Variants in ADARB2 observed in about 807,000 individuals in gnomAD.
ADARB2 encodes the protein adenosine deaminase RNA specific B2 (inactive).
Under a neutral mutation model 62.2 loss-of-function variants are expected in ADARB2, and 25 were observed. The observed-to-expected ratio is 0.40, with a 90% CI of 0.29 to 0.56. ADARB2 has a LOEUF of 0.56. Among genes scored for constraint, ADARB2 ranks in the 20% least tolerant of loss-of-function variants. ADARB2 has a pLI of 0.43. For missense variants in ADARB2, 1,071 were observed against 1,077.4 expected, an observed-to-expected ratio of 0.99 and a Z score of 0.08; for synonymous variants, 572 against 500.8, an observed-to-expected ratio of 1.14 and a Z score of -1.90.
intron 1 of ADARB2, among the ~76,000 whole-genome samples, chr10:1,715,410 GT>G (rs1397346693): frequency 4.6e-5 from 7 of 152,114 alleles, no homozygotes; most frequent in Admixed American, 6.5e-5. Flanking sequence ...TTTAATATTT[GT>G]TTTTTACTGT....
At chr10:1,445,033 C>A (rs1325980053) in intron 1 of ADARB2, among the ~76,000 whole-genome samples, 4 of 150,828 alleles carry the variant, frequency 2.7e-5, no homozygotes, top group African/African-American at 9.8e-5. Context: ...CCCATCCATT[C>A]ACTCATTCAC....
At chr10:1,701,910 C>A (rs1317573818) in intron 1 of ADARB2, among the ~76,000 whole-genome samples, 7 of 151,768 alleles carry the variant, frequency 4.6e-5, no homozygotes, top group African/African-American at 1.7e-4. Context: ...CAATCCCACT[C>A]CACCGGGAGA....
intron 8 of ADARB2, among the ~76,000 whole-genome samples, chr10:1,191,980 A>G (rs4880785): frequency 0.24 from 37,172 of 152,168 alleles, 4,883 homozygotes; most frequent in African/African-American, 0.29. Context: ...TTACATCACC[A>G]TTACTAGGAC....
intron 1 of ADARB2, among the ~76,000 whole-genome samples, chr10:1,488,082 A>G (rs761618223): frequency 1.3e-5 from 2 of 152,238 alleles, no homozygotes; most frequent in Admixed American, 6.5e-5. Flanking sequence ...AAAGCACTCA[A>G]TATAAAGAAT....
chr10:1,549,916 T>C (rs997499145), intron 1 of ADARB2, among the ~76,000 whole-genome samples: 2 of 152,190 alleles, frequency 1.3e-5, no homozygotes, highest in African/African-American at 4.8e-5. Flanking sequence ...GAGCTCTCTG[T>C]GCCCATCCAG....
At chr10:1,316,482 C>CA (rs1431903776) in intron 3 of ADARB2, among the ~76,000 whole-genome samples, 1 of 152,254 alleles carries the variant, frequency 6.6e-6, no homozygotes, top group Non-Finnish European at 1.5e-5. Context: ...GTGCTGGCCT[C>CA]ATTATTTTCC....
intron 1 of ADARB2, among the ~76,000 whole-genome samples, chr10:1,490,409 A>G (rs1319973330): frequency 6.6e-6 from 1 of 152,178 alleles, no homozygotes; most frequent in African/African-American, 2.4e-5. Flanking sequence ...ACCACTGAAA[A>G]AATCCTCTGA....
At chr10:1,505,882 T>C (rs1302339058) in intron 1 of ADARB2, among the ~76,000 whole-genome samples, 2 of 152,246 alleles carry the variant, frequency 1.3e-5, no homozygotes, top group African/African-American at 4.8e-5. Context: ...AGTGAGTGCA[T>C]GACATCTCAC....
In ADARB2 at chr10:1,398,777, C is replaced by T. The variant is rs142493608; in HGVS notation, c.101-19617G>A. ...TCGGCTCTGCGTGGATTGGCGTGCC[C>T]GTTTACCTGAGAGGCCAGGTTCACA... On this transcript the variant is annotated intron_variant, in intron 1 of 9. Transcript: ENST00000381312. The surrounding 1 kb of genome is among the most constrained non-coding windows in gnomAD (Gnocchi z 4.1). Among the ~76,000 whole-genome samples, 64 of 152,232 alleles carry T rather than the reference C, an allele frequency of 4.2e-4. 1 individual carries two copies. Among genetic ancestry groups the T allele is most frequent in the African/African-American group, 1.4e-3 (60 of 41,538 alleles).
intron 5 of ADARB2, among the ~76,000 whole-genome samples, chr10:1,235,295 C>A (rs1002867548): frequency 7.6e-6 from 1 of 131,242 alleles, no homozygotes; most frequent in African/African-American, 2.9e-5. Flanking sequence ...GGCTTTCCTT[C>A]TGCATCCAGC....
At chr10:1,469,267 CG>C (rs1831293525) in intron 1 of ADARB2, among the ~76,000 whole-genome samples, 1 of 152,244 alleles carries the variant, frequency 6.6e-6, no homozygotes, top group Non-Finnish European at 1.5e-5. Context: ...CGCACGGCTC[CG>C]GGAGGTCACG....
At chr10:1,629,361 A>C (rs1236761561) in intron 1 of ADARB2, among the ~76,000 whole-genome samples, 1 of 151,530 alleles carries the variant, frequency 6.6e-6, no homozygotes, top group African/African-American at 2.4e-5. Flanking sequence ...ATTGGTGGAG[A>C]CCTCCTCATC....
chr10:1,717,079 C>T lies in ADARB2; in HGVS notation c.100+19972G>A, dbSNP rs796417605. ...TATTCTGATCACATGTTATTCTGATCACATGTTATTCTGATCACGTGTTTC... is the reference window on the plus strand; with the variant it reads ...TATTCTGATCACATGTTATTCTGATTACATGTTATTCTGATCACGTGTTTC... On this transcript the variant is annotated intron_variant, in intron 1 of 9. Coordinates refer to ENST00000381312, the MANE Select transcript of ADARB2 (RefSeq NM_018702.4). Among the ~76,000 whole-genome samples, 11 of 147,742 alleles carry T rather than the reference C, an allele frequency of 7.4e-5. 1 individual carries two copies. The highest frequency in any genetic ancestry group is 2.7e-4 in the African/African-American group (11 of 40,530).
At chr10:1,676,053 C>G (rs922084289) in intron 1 of ADARB2, 1 of 985,166 alleles carries the variant, frequency 1.0e-6, no homozygotes, top group South Asian at 4.7e-5. Flanking sequence ...TGACCTGAGC[C>G]CCTGTGCACA....
intron 1 of ADARB2, among the ~76,000 whole-genome samples, chr10:1,471,170 C>T (rs12774561): frequency 0.11 from 17,131 of 152,226 alleles, 1,028 homozygotes; most frequent in Middle Eastern, 0.21. Flanking sequence ...TGGAAACTCA[C>T]GATTCCACAA....
At chr10:1,504,465 C>T (rs963748066) in intron 1 of ADARB2, among the ~76,000 whole-genome samples, 43 of 147,908 alleles carry the variant, frequency 2.9e-4, no homozygotes, top group African/African-American at 5.6e-4. Flanking sequence ...CGTGTGTACG[C>T]GGGCATTATG....
intron 3 of ADARB2, among the ~76,000 whole-genome samples, chr10:1,279,905 A>T: frequency 6.6e-6 from 1 of 152,162 alleles, no homozygotes; most frequent in East Asian, 1.9e-4. Flanking sequence ...TTCCTGATTC[A>T]GGTGAAGTTT....
chr10:1,327,783 C>CCACAGCACAGCGCCTCCT (rs1831885732), intron 3 of ADARB2, among the ~76,000 whole-genome samples: 1 of 57,472 alleles, frequency 1.7e-5, no homozygotes, highest in African/African-American at 6.3e-5. Context: ...CAGCGCCTCC[C>CCACAGCACAGCGCCTCCT]CACAGCACAG....
Position 1,506,825 on chromosome 10 carries a change from G to A in ADARB2, c.101-127665C>T, listed in dbSNP as rs1831858732. On this transcript the variant is annotated intron_variant, in intron 1 of 9. Coordinates refer to ENST00000381312, the MANE Select transcript of ADARB2 (RefSeq NM_018702.4). ...AGTCTTTGGGAGGTGATTGGGTCAT[G>A]GGGGTGGGGCCCGGTGATGGGATCA... Among the ~76,000 whole-genome samples the A allele has an allele frequency of 2.6e-5, 4 of 152,380 alleles. No homozygotes were observed. The South Asian group carries it at 8.3e-4, about 32-fold the overall frequency.
Sources: allele counts gnomAD v4.1 joint callset (sites outside exome capture counted in the v4.1 genomes callset), GRCh38; gene constraint gnomAD v4.1.1; non-coding constraint Gnocchi (gnomAD v3.1); transcripts MANE v1.5; gene names NCBI Gene and HGNC (gene_info 2026-07-23, HGNC 2026-07-21).